ZMYND8: variants seen among roughly 807,000 people sequenced by gnomAD.
The protein encoded by ZMYND8 is MYND-type zinc finger-containing chromatin reader ZMYND8.
A neutral mutation model predicts 140.8 loss-of-function variants in ZMYND8; 37 were observed. That is an observed-to-expected ratio of 0.26 (90% CI 0.20 to 0.35). The LOEUF (loss-of-function observed/expected upper bound fraction) is 0.35. ZMYND8 is among the 10% of genes least tolerant of loss of function. The pLI is 1.00. For missense variants in ZMYND8, 1,068 were observed against 1,570.0 expected (o/e 0.68, Z 5.40); for synonymous variants, 592 against 597.1 (o/e 0.99, Z 0.12).
intron 21 of ZMYND8, among the ~76,000 whole-genome samples, chr20:47,214,245 T>G (rs745496214): frequency 1.3e-5 from 2 of 152,226 alleles, no homozygotes; most frequent in Non-Finnish European, 2.9e-5. Context: ...AGGAAGTCTT[T>G]TTGCTTTGAC....
chr20:47,227,189 GT>G lies in ZMYND8; in HGVS notation c.3016+13del, dbSNP rs749946900. 3 of 1,614,084 alleles carry G rather than the reference GT, an allele frequency of 1.9e-6. No homozygotes were observed. The Admixed American group carries it at 5.0e-5, about 27-fold the overall frequency. ...AAAACCCTCCTCAGTCCAGACCAGT[GT>G]GTCAGGCCTTACCTAAGTTGTGTTT... On this transcript the variant is annotated intron_variant, in intron 18 of 22. Transcript: ENST00000471951.
chr20:47,286,034 A>T (rs2076897617), intron 8 of ZMYND8, among the ~76,000 whole-genome samples: 1 of 152,072 alleles, frequency 6.6e-6, no homozygotes, highest in Admixed American at 6.6e-5. Context: ...CTACAAAAAA[A>T]ATAATAATAA....
chr20:47,229,675 C>G (rs3746488), intron 17 of ZMYND8, 51 bp downstream of exon 17: 2 of 1,566,004 alleles, frequency 1.3e-6, no homozygotes, highest in Admixed American at 1.7e-5. Context: ...ACCTTTAAAG[C>G]AGCCCACAAA....
At chr20:47,279,489 T>TTAAA (rs541312400) in intron 10 of ZMYND8, among the ~76,000 whole-genome samples, 171 of 146,736 alleles carry the variant, frequency 1.2e-3, no homozygotes, top group Non-Finnish European at 2.2e-3. Context: ...GACCCCCCTC[T>TTAAA]TAAATAAATA....
At chr20:47,330,267 G>A (rs996355015) in intron 2 of ZMYND8, among the ~76,000 whole-genome samples, 3 of 151,984 alleles carry the variant, frequency 2.0e-5, no homozygotes, top group African/African-American at 4.8e-5. Context: ...ATAGCTCACT[G>A]CAGGCTCCAC....
intron 2 of ZMYND8, chr20:47,319,464 G>A (rs1323119536): frequency 1.0e-5 from 2 of 199,016 alleles, no homozygotes; most frequent in Non-Finnish European, 2.1e-5. Context: ...CAGTTCTGAT[G>A]CCCCTCTCCT....
chr20:47,328,346 G>C (rs1250201159), intron 2 of ZMYND8, among the ~76,000 whole-genome samples: 2 of 152,162 alleles, frequency 1.3e-5, no homozygotes, highest in African/African-American at 4.8e-5. Context: ...CTGGTTACCT[G>C]GCAGGAGAAG....
At chr20:47,225,844 A>G (rs571954463) in intron 18 of ZMYND8, among the ~76,000 whole-genome samples, 3 of 152,034 alleles carry the variant, frequency 2.0e-5, no homozygotes, top group Admixed American at 6.6e-5. Flanking sequence ...AGATTCCCTG[A>G]TTTTATTAGA....
At chr20:47,251,947 G>A (rs1361762599) in intron 12 of ZMYND8, among the ~76,000 whole-genome samples, 1 of 151,402 alleles carries the variant, frequency 6.6e-6, no homozygotes, top group African/African-American at 2.4e-5. Context: ...TTGCATTTTT[G>A]ACACTAAAGT....
intron 2 of ZMYND8, among the ~76,000 whole-genome samples, chr20:47,327,061 A>G (rs975229661): frequency 6.6e-6 from 1 of 152,144 alleles, no homozygotes; most frequent in South Asian, 2.1e-4. Context: ...TATTAGGAAG[A>G]GAGCACTACT....
intron 2 of ZMYND8, among the ~76,000 whole-genome samples, chr20:47,346,599 A>T (rs907335157): frequency 6.6e-6 from 1 of 151,540 alleles, no homozygotes; most frequent in African/African-American, 2.4e-5. Context: ...CTTTGCCCCA[A>T]AATGACATAC....
At chr20:47,245,901 T>C (rs2040511372) in intron 14 of ZMYND8, 107 bp downstream of exon 14, 31 of 1,472,940 alleles carry the variant, frequency 2.1e-5, no homozygotes, top group Non-Finnish European at 2.8e-5. Flanking sequence ...GAGGGTCACA[T>C]AACTTCTGAT....
At position 47,262,222 on chromosome 20, in the gene ZMYND8, G is replaced by A. The variant is rs1209417066; in HGVS notation, c.1621+66C>T. 6.2e-6 allele frequency: 10 copies of A among 1,608,402 alleles called. No individual in the cohort carries two copies. In the Admixed American group the frequency reaches 6.7e-5, roughly 11 times the overall value. ...AGGTTCAAGAACCACATACACAAGAGGATACGTCATTTGCAAAAATATCCA... is the reference window on the plus strand; with the variant it reads ...AGGTTCAAGAACCACATACACAAGAAGATACGTCATTTGCAAAAATATCCA... On this transcript the variant is annotated intron_variant, in intron 12 of 22. Coordinates refer to ENST00000471951, the MANE Select transcript of ZMYND8 (RefSeq NM_001281775.3).
At chr20:47,261,006 T>C (rs990112328) in intron 12 of ZMYND8, among the ~76,000 whole-genome samples, 2 of 151,912 alleles carry the variant, frequency 1.3e-5, no homozygotes, top group African/African-American at 2.4e-5. Flanking sequence ...CAGATCACCT[T>C]AGGTTGGGAG....
chr20:47,279,546 T>C (rs1457196702), intron 10 of ZMYND8, among the ~76,000 whole-genome samples: 4 of 151,348 alleles, frequency 2.6e-5, no homozygotes, highest in African/African-American at 9.7e-5. Context: ...CGAAATTAGA[T>C]TTGCTTGACA....
intron 2 of ZMYND8, among the ~76,000 whole-genome samples, chr20:47,313,998 A>T (rs906171453): frequency 6.6e-6 from 1 of 152,312 alleles, no homozygotes; most frequent in Non-Finnish European, 1.5e-5. Context: ...TCCCAAAAAA[A>T]GATTTAATAT....
At chr20:47,323,154 C>T (rs1001741289) in intron 2 of ZMYND8, among the ~76,000 whole-genome samples, 3 of 152,212 alleles carry the variant, frequency 2.0e-5, no homozygotes, top group African/African-American at 4.8e-5. Flanking sequence ...AAGCACCATA[C>T]TTTATTACCA....
At chr20:47,352,121 CTG>C (rs2082835400) in intron 1 of ZMYND8, 1 of 635,304 alleles carries the variant, frequency 1.6e-6, no homozygotes, top group African/African-American at 2.0e-5. Context: ...GGACAGGTGT[CTG>C]TGCAAACACA....
intron 1 of ZMYND8, among the ~76,000 whole-genome samples, chr20:47,354,852 G>A (rs1011437456): frequency 6.6e-6 from 1 of 152,152 alleles, no homozygotes; most frequent in Non-Finnish European, 1.5e-5. Flanking sequence ...AAGTGGTCAA[G>A]GGAAATGTAA....
Sources: gnomAD v4.1 joint callset for allele counts (sites outside exome capture counted in the v4.1 genomes callset) on GRCh38, gnomAD v4.1.1 for gene constraint, MANE v1.5 for transcripts, NCBI Gene and HGNC (gene_info 2026-07-23, HGNC 2026-07-21) for gene names.